Variants in FBXL7 observed in about 807,000 individuals in gnomAD.
The protein encoded by FBXL7 is F-box/LRR-repeat protein 7.
FBXL7 carries 12 observed loss-of-function variants against 38.3 expected under a neutral mutation model. The ratio of observed to expected loss-of-function variants is 0.31; its 90% confidence interval spans 0.20 to 0.51. The LOEUF is 0.51. FBXL7 is among the 20% of genes least tolerant of loss of function. FBXL7 has a pLI of 0.98. For synonymous variants in FBXL7, 297 were observed against 300.9 expected (o/e 0.99, Z 0.13); for missense variants, 567 against 676.4 (o/e 0.84, Z 1.79).
chr5:15,816,942 C>T (rs1041714948), intron 2 of FBXL7, among the ~76,000 whole-genome samples: 1 of 152,190 alleles, frequency 6.6e-6, no homozygotes, highest in African/African-American at 2.4e-5. Context: ...CTGTTTAAAA[C>T]TACAAACACA....
chr5:15,745,867 T>A (rs530769895), intron 2 of FBXL7, among the ~76,000 whole-genome samples: 1 of 152,318 alleles, frequency 6.6e-6, no homozygotes, highest in South Asian at 2.1e-4. Flanking sequence ...GAGAACTTGA[T>A]CAGGTTTCTA....
chr5:15,893,081 A>C (rs1740977562), intron 2 of FBXL7, among the ~76,000 whole-genome samples: 1 of 150,194 alleles, frequency 6.7e-6, no homozygotes, highest in Admixed American at 6.7e-5. Flanking sequence ...ACGCCACTGC[A>C]CTCCAGCCTG....
chr5:15,869,209 C>G (rs1210677181), intron 2 of FBXL7, among the ~76,000 whole-genome samples: 1 of 152,128 alleles, frequency 6.6e-6, no homozygotes, highest in Non-Finnish European at 1.5e-5. Context: ...GAAGTGATAT[C>G]CCATCACTTT....
At chr5:15,689,932 T>C (rs1743132180) in intron 2 of FBXL7, among the ~76,000 whole-genome samples, 1 of 152,230 alleles carries the variant, frequency 6.6e-6, no homozygotes, top group Non-Finnish European at 1.5e-5. Context: ...TAAGATGTTT[T>C]GCAGCATCTT....
rs150217468 is a variant in FBXL7 at position 15,873,222 on chromosome 5, A to G, written c.128-54668A>G. On this transcript the variant is annotated intron_variant, in intron 2 of 3. Coordinates refer to ENST00000504595, the MANE Select transcript of FBXL7 (RefSeq NM_012304.5). ...AAGTTGTTTGAAACCAATGAGAACAAAGACACAATGTACCAGAATCTGTGG... is the reference window on the plus strand; with the variant it reads ...AAGTTGTTTGAAACCAATGAGAACAGAGACACAATGTACCAGAATCTGTGG... Among the ~76,000 whole-genome samples the G allele has an allele frequency of 4.8e-3, 731 of 152,330 alleles. 5 individuals are homozygous for G. The highest frequency in any genetic ancestry group is 0.016 in the African/African-American group (670 of 41,568).
rs143868918 is a variant in FBXL7 at position 15,691,011 on chromosome 5, C to T, written c.127+74939C>T. Among the ~76,000 whole-genome samples the T allele has an allele frequency of 2.1e-3, 324 of 152,320 alleles. 1 individual carries two copies. The highest frequency in any genetic ancestry group is 7.2e-3 in the African/African-American group (300 of 41,570). ...GCCCTTTTCATCTTCACTTAAAATA[C>T]TCAGTTTGTACTTTGAAAAGTGGAA... On this transcript the variant is annotated intron_variant, in intron 2 of 3. Transcript: ENST00000504595.
intron 2 of FBXL7, among the ~76,000 whole-genome samples, chr5:15,774,990 C>T (rs1398566076): frequency 6.6e-6 from 1 of 152,162 alleles, no homozygotes; most frequent in Non-Finnish European, 1.5e-5. Flanking sequence ...TGGATACAGA[C>T]TGTTGGAAAG....
At chr5:15,727,925 A>T (rs912199482) in intron 2 of FBXL7, among the ~76,000 whole-genome samples, 2 of 151,936 alleles carry the variant, frequency 1.3e-5, no homozygotes, top group Non-Finnish European at 2.9e-5. Context: ...TGTTGCTGTT[A>T]TGGTTGTTCC....
chr5:15,557,925 C>T (rs1282878011), intron 1 of FBXL7, among the ~76,000 whole-genome samples: 1 of 152,160 alleles, frequency 6.6e-6, no homozygotes, highest in African/African-American at 2.4e-5. Flanking sequence ...TGTGATTTCA[C>T]TTATAGGAAT....
At chr5:15,751,626 A>G (rs1736157613) in intron 2 of FBXL7, among the ~76,000 whole-genome samples, 1 of 152,180 alleles carries the variant, frequency 6.6e-6, no homozygotes, top group South Asian at 2.1e-4. Context: ...TTTTCCTGTC[A>G]TTTTGGAGAG....
chr5:15,644,664 G>A (rs1741474739), intron 2 of FBXL7, among the ~76,000 whole-genome samples: 1 of 152,104 alleles, frequency 6.6e-6, no homozygotes. Context: ...TTAGGGAACT[G>A]GATTTTAGTA....
Position 15,937,179 on chromosome 5 carries a change from T to G in FBXL7, c.1469T>G (p.Phe490Cys). ...RCVIEHTNPA[F>C]F ...GTCATCGAGCACACCAACCCGGCTTTCTTCTGAAGGGACAGAGTTCATCCG... is the reference window on the plus strand; with the variant it reads ...GTCATCGAGCACACCAACCCGGCTTGCTTCTGAAGGGACAGAGTTCATCCG... Residue 490 changes from phenylalanine to cysteine, a missense_variant, in exon 4 of 4, where the codon TTC (phenylalanine) becomes TGC (cysteine). Phe to Cys is a radical substitution (Grantham distance 205). Coordinates refer to ENST00000504595, the MANE Select transcript of FBXL7 (RefSeq NM_012304.5). The G allele has an allele frequency of 2.5e-6, 4 of 1,588,052 alleles. No individual in the cohort carries two copies. The highest frequency in any genetic ancestry group is 3.4e-6 in the Non-Finnish European group (4 of 1,164,612).
chr5:15,568,694 G>A (rs1385666765), intron 1 of FBXL7, among the ~76,000 whole-genome samples: 8 of 152,132 alleles, frequency 5.3e-5, no homozygotes, highest in East Asian at 1.9e-4. Context: ...TATTGCCTAG[G>A]TTTTCTTCTA....
At chr5:15,585,052 T>C (rs1739262842) in intron 1 of FBXL7, among the ~76,000 whole-genome samples, 1 of 152,234 alleles carries the variant, frequency 6.6e-6, no homozygotes, top group Admixed American at 6.5e-5. Flanking sequence ...TTATGATTTA[T>C]AATTTATAAT....
chr5:15,630,552 A>G lies in FBXL7; in HGVS notation c.127+14480A>G, dbSNP rs531937402. Among the ~76,000 whole-genome samples, 3 of 152,252 alleles carry G rather than the reference A, an allele frequency of 2.0e-5. No individual in the cohort carries two copies. The South Asian group carries it at 6.2e-4, about 32-fold the overall frequency. ...ACAAACATTCTTAGAGAAGAAAATA[A>G]TACTATTCTTTCCTTGTTTTATTTT... is the stretch of plus-strand genomic sequence containing the variant. On this transcript the variant is annotated intron_variant, in intron 2 of 3. Coordinates refer to ENST00000504595, the MANE Select transcript of FBXL7 (RefSeq NM_012304.5).
chr5:15,822,649 G>T (rs1298385551), intron 2 of FBXL7, among the ~76,000 whole-genome samples: 1 of 146,536 alleles, frequency 6.8e-6, no homozygotes, highest in Non-Finnish European at 1.5e-5. Context: ...TTTCTTGCAG[G>T]GCGTTAAGGT....
At chr5:15,902,242 G>A (rs963980036) in intron 2 of FBXL7, among the ~76,000 whole-genome samples, 7 of 152,148 alleles carry the variant, frequency 4.6e-5, no homozygotes, top group African/African-American at 9.7e-5. Flanking sequence ...TTACAGCTAC[G>A]GAGTTATTAG....
At chr5:15,793,227 C>T (rs940930553) in intron 2 of FBXL7, among the ~76,000 whole-genome samples, 1 of 152,166 alleles carries the variant, frequency 6.6e-6, no homozygotes, top group Non-Finnish European at 1.5e-5. Flanking sequence ...AATGTGGTGC[C>T]TTGAAACAAC....
chr5:15,733,258 A>C (rs958384553), intron 2 of FBXL7, among the ~76,000 whole-genome samples: 1 of 151,982 alleles, frequency 6.6e-6, no homozygotes, highest in African/African-American at 2.4e-5. Flanking sequence ...ACGCCCGGCT[A>C]ATTTTTGTAT....
Sources: allele counts gnomAD v4.1 joint callset (sites outside exome capture counted in the v4.1 genomes callset), GRCh38; gene constraint gnomAD v4.1.1; transcripts MANE v1.5; gene names NCBI Gene and HGNC (gene_info 2026-07-23, HGNC 2026-07-21).